HS6ST3: variants seen among roughly 807,000 people sequenced by gnomAD.
The protein encoded by HS6ST3 is heparan sulfate 6-O-sulfotransferase 3.
Under a neutral mutation model 36.7 loss-of-function variants are expected in HS6ST3, and 12 were observed. The observed-to-expected ratio is 0.33, with a 90% CI of 0.21 to 0.53. The LOEUF (loss-of-function observed/expected upper bound fraction) is 0.53. Among genes scored for constraint, HS6ST3 ranks in the 20% least tolerant of loss-of-function variants. The probability of loss-of-function intolerance (pLI) is 0.95; values close to 1 mark genes in which losing one functional copy is unlikely to be tolerated. For synonymous variants in HS6ST3, 240 were observed against 257.5 expected (o/e 0.93, Z 0.65); for missense variants, 584 against 640.9 (o/e 0.91, Z 0.96).
intron 1 of HS6ST3, among the ~76,000 whole-genome samples, chr13:96,115,389 T>G (rs1366475673): frequency 6.6e-6 from 1 of 152,120 alleles, no homozygotes; most frequent in African/African-American, 2.4e-5. Context: ...TTCTCTAAGT[T>G]TCCTCCCCTC....
intron 1 of HS6ST3, among the ~76,000 whole-genome samples, chr13:96,551,780 A>AC (rs1468004586): frequency 1.3e-5 from 2 of 152,050 alleles, no homozygotes; most frequent in African/African-American, 4.8e-5. Flanking sequence ...ACACATCGCC[A>AC]CCCGCCGGAG....
intron 1 of HS6ST3, among the ~76,000 whole-genome samples, chr13:96,733,901 A>G (rs919924645): frequency 1.1e-4 from 16 of 152,102 alleles, no homozygotes; most frequent in Non-Finnish European, 1.6e-4. Flanking sequence ...GAATACCTCA[A>G]TTCCTCCCAC....
chr13:96,207,930 G>A (rs960653234), intron 1 of HS6ST3, among the ~76,000 whole-genome samples: 1 of 152,074 alleles, frequency 6.6e-6, no homozygotes, highest in Non-Finnish European at 1.5e-5. Flanking sequence ...AACCACCATG[G>A]CATACATTTA....
chr13:96,408,173 G>C (rs7982068), intron 1 of HS6ST3, among the ~76,000 whole-genome samples: 73,140 of 151,866 alleles, frequency 0.48, 18,014 homozygotes, highest in Middle Eastern at 0.59. Flanking sequence ...CTCTTGACCT[G>C]GTGATCTGCC....
intron 1 of HS6ST3, among the ~76,000 whole-genome samples, chr13:96,801,455 A>T (rs889937416): frequency 9.2e-5 from 14 of 151,480 alleles, no homozygotes; most frequent in African/African-American, 3.4e-4. Flanking sequence ...AATGGTGTTA[A>T]TTTTCTCACT....
At chr13:96,117,476 G>A (rs1261265007) in intron 1 of HS6ST3, among the ~76,000 whole-genome samples, 2 of 152,186 alleles carry the variant, frequency 1.3e-5, no homozygotes, top group Non-Finnish European at 2.9e-5. Context: ...TCAGGACCAG[G>A]CATTTACATT....
At chr13:96,698,498 C>A (rs1203555669) in intron 1 of HS6ST3, among the ~76,000 whole-genome samples, 1 of 152,140 alleles carries the variant, frequency 6.6e-6, no homozygotes, top group Non-Finnish European at 1.5e-5. Flanking sequence ...TGAGTGAACT[C>A]CCATTCACAA....
intron 1 of HS6ST3, among the ~76,000 whole-genome samples, chr13:96,516,010 G>C (rs2056070851): frequency 6.6e-6 from 1 of 151,498 alleles, no homozygotes; most frequent in East Asian, 1.9e-4. Context: ...TGTTATTCTA[G>C]TACACTCTAT....
At chr13:96,828,640 A>G (rs1878702551) in intron 1 of HS6ST3, among the ~76,000 whole-genome samples, 1 of 152,186 alleles carries the variant, frequency 6.6e-6, no homozygotes, top group South Asian at 2.1e-4. Flanking sequence ...ATAAAAATAA[A>G]TCAAAATATG....
chr13:96,450,826 G>A (rs1335310446), intron 1 of HS6ST3, among the ~76,000 whole-genome samples: 1 of 152,160 alleles, frequency 6.6e-6, no homozygotes, highest in Non-Finnish European at 1.5e-5. Context: ...CTGCTAAAGA[G>A]GTGAAATTAT....
intron 1 of HS6ST3, among the ~76,000 whole-genome samples, chr13:96,223,262 C>T (rs2054464454): frequency 6.6e-6 from 1 of 152,180 alleles, no homozygotes; most frequent in Admixed American, 6.5e-5. Flanking sequence ...AAGGAGGCAT[C>T]TTTATTCTGC....
rs2054197579 is a variant in HS6ST3, at chr13:96,173,420, T to C, written c.707+81851T>C. Among the ~76,000 whole-genome samples, 4 of 152,266 alleles carry C rather than the reference T, an allele frequency of 2.6e-5. No homozygotes were observed. The South Asian group carries it at 8.3e-4, about 32-fold the overall frequency. ...ATATTTTTCTAAGTGTGTGAATTGA[T>C]ATGTCATTGTGTCTGAGCATCTGAG... On this transcript the variant is annotated intron_variant, in intron 1 of 1. Transcript: ENST00000376705.
intron 1 of HS6ST3, among the ~76,000 whole-genome samples, chr13:96,278,698 A>G (rs2054760397): frequency 6.6e-6 from 1 of 152,206 alleles, no homozygotes; most frequent in Non-Finnish European, 1.5e-5. Flanking sequence ...AGGTGTGAAT[A>G]AAATGAATCA....
chr13:96,307,600 T>A (rs1243207027), intron 1 of HS6ST3, among the ~76,000 whole-genome samples: 1 of 152,160 alleles, frequency 6.6e-6, no homozygotes, highest in African/African-American at 2.4e-5. Context: ...ACATAGGAAA[T>A]AATTTATTGT....
intron 1 of HS6ST3, among the ~76,000 whole-genome samples, chr13:96,494,744 A>G (rs547386333): frequency 9.3e-4 from 141 of 152,070 alleles, no homozygotes; most frequent in Non-Finnish European, 1.8e-3. Flanking sequence ...TCTTCGGTAT[A>G]CATATGCTGG....
chr13:96,319,095 TGTTAGCA>T (rs2054991216), intron 1 of HS6ST3, among the ~76,000 whole-genome samples: 1 of 152,208 alleles, frequency 6.6e-6, no homozygotes, highest in Non-Finnish European at 1.5e-5. Flanking sequence ...ACCCTGTGCC[TGTTAGCA>T]GTTGCTCCCC....
At chr13:96,353,362 T>C (rs963713733) in intron 1 of HS6ST3, among the ~76,000 whole-genome samples, 29 of 152,260 alleles carry the variant, frequency 1.9e-4, no homozygotes, top group Admixed American at 7.9e-4. Flanking sequence ...CAAGTACTTA[T>C]GAGAAATTAG....
chr13:96,105,644 T>C (rs1320961190), intron 1 of HS6ST3, among the ~76,000 whole-genome samples: 1 of 152,112 alleles, frequency 6.6e-6, no homozygotes, highest in Non-Finnish European at 1.5e-5. Flanking sequence ...AGTGAATTTC[T>C]GTCTCAAAAA....
chr13:96,804,587 C>T (rs2138530548), intron 1 of HS6ST3, among the ~76,000 whole-genome samples: 1 of 152,238 alleles, frequency 6.6e-6, no homozygotes, highest in Middle Eastern at 3.4e-3. Flanking sequence ...CCATGCGATA[C>T]TTAGGTTACC....
Sources: allele counts gnomAD v4.1 joint callset (sites outside exome capture counted in the v4.1 genomes callset), GRCh38; gene constraint gnomAD v4.1.1; transcripts MANE v1.5; gene names NCBI Gene and HGNC (gene_info 2026-07-23, HGNC 2026-07-21).